RTL4: variants seen among roughly 807,000 people sequenced by gnomAD.
RTL4 encodes retrotransposon Gag-like protein 4.
A neutral mutation model predicts 5.3 loss-of-function variants in RTL4; 4 were observed. The ratio of observed to expected loss-of-function variants is 0.75; its 90% confidence interval spans 0.37 to 1.72. The LOEUF (loss-of-function observed/expected upper bound fraction) is 1.72, where lower values mean the gene tolerates loss of function less well. Among genes scored for constraint, RTL4 ranks in the 40% most tolerant of loss-of-function variants. RTL4 has a pLI of 0.04. For synonymous variants in RTL4, 98 were observed against 87.3 expected (o/e 1.12, Z -0.68); for missense variants, 260 against 227.1 (o/e 1.14, Z -0.93).
the RTL4 span, among the ~76,000 whole-genome samples, chrX:112,326,380 G>C: frequency 9.0e-6 from 1 of 111,723 alleles, no homozygotes; most frequent in African/African-American, 3.3e-5. Context: ...GCTAGTCAAA[G>C]AAAGCAGTGA....
At chrX:112,236,434 G>T in the RTL4 span, among the ~76,000 whole-genome samples, 99 of 73,192 alleles carry the variant, frequency 1.4e-3, no homozygotes, top group African/African-American at 6.3e-3. Flanking sequence ...TATAGATATA[G>T]ATCTATATCT....
chrX:112,418,600 C>T, the RTL4 span, among the ~76,000 whole-genome samples: 1 of 110,733 alleles, frequency 9.0e-6, no homozygotes, highest in Admixed American at 9.7e-5. Context: ...AGCCTAATAA[C>T]ACTGAGATTG....
chrX:112,260,227 C>T, the RTL4 span, among the ~76,000 whole-genome samples: 2 of 111,275 alleles, frequency 1.8e-5, no homozygotes, highest in Admixed American at 9.6e-5. Flanking sequence ...ACAGGGGCCC[C>T]TGAAGGAAAT....
the RTL4 span, among the ~76,000 whole-genome samples, chrX:112,227,418 A>C: frequency 9.0e-6 from 1 of 111,479 alleles, no homozygotes; most frequent in Admixed American, 9.6e-5. Context: ...TGTCAGAGAA[A>C]CAGCCAATTC....
chrX:112,161,844 C>CCTTCCTTCCTTCCTTTCTTTCTTTCTTT, the RTL4 span, among the ~76,000 whole-genome samples: 7 of 40,067 alleles, frequency 1.7e-4, no homozygotes, highest in African/African-American at 8.2e-4. Flanking sequence ...TTCCTTCCTT[C>CCTTCCTTCCTTCCTTTCTTTCTTTCTTT]CTTTCTTTCT....
the RTL4 span, among the ~76,000 whole-genome samples, chrX:112,367,558 G>A: frequency 4.5e-5 from 5 of 111,907 alleles, no homozygotes; most frequent in African/African-American, 1.6e-4. Context: ...TTTATAAGGA[G>A]GCAGCATGTG....
At chrX:112,321,574 GAAGA>G in the RTL4 span, among the ~76,000 whole-genome samples, 3 of 103,220 alleles carry the variant, frequency 2.9e-5, no homozygotes, top group African/African-American at 1.2e-4. Context: ...AAGAAAGAAA[GAAGA>G]AAGACAGACA....
the RTL4 span, among the ~76,000 whole-genome samples, chrX:112,379,345 A>G: frequency 0.34 from 37,653 of 111,415 alleles, 6,494 homozygotes; most frequent in African/African-American, 0.68. Flanking sequence ...GAAAACAAAG[A>G]ATTGAAGTAG....
At chrX:112,228,203 TA>T in the RTL4 span, among the ~76,000 whole-genome samples, 126 of 103,807 alleles carry the variant, frequency 1.2e-3, no homozygotes, top group African/African-American at 2.3e-3. Context: ...ATTTCAATAA[TA>T]AAAAAAAAAA....
chrX:112,192,075 GTTT>G, the RTL4 span, among the ~76,000 whole-genome samples: 1,079 of 78,909 alleles, frequency 0.014, 9 homozygotes, highest in African/African-American at 0.047. Context: ...AAATACTAGG[GTTT>G]TTTTTTTTTT....
At chrX:112,208,752 G>A in the RTL4 span, among the ~76,000 whole-genome samples, 1 of 112,145 alleles carries the variant, frequency 8.9e-6, no homozygotes, top group South Asian at 3.7e-4. Context: ...TCAGGTCAGG[G>A]ACTGACCTCA....
the RTL4 span, among the ~76,000 whole-genome samples, chrX:112,138,691 G>C: frequency 5.4e-5 from 6 of 110,966 alleles, no homozygotes; most frequent in Non-Finnish European, 1.1e-4. Flanking sequence ...ATAAATTTTA[G>C]AATCAGTTTG....
chrX:112,125,485 T>C, the RTL4 span, among the ~76,000 whole-genome samples: 1 of 111,787 alleles, frequency 8.9e-6, no homozygotes, highest in Non-Finnish European at 1.9e-5. Flanking sequence ...ACATGCCCCT[T>C]GGATTATCTG....
the RTL4 span, among the ~76,000 whole-genome samples, chrX:112,159,558 G>T: frequency 8.9e-6 from 1 of 112,137 alleles, no homozygotes; most frequent in African/African-American, 3.2e-5. Flanking sequence ...AGTAAACCCA[G>T]AAGCTCAGTT....
At chrX:112,263,846 A>G in the RTL4 span, among the ~76,000 whole-genome samples, 1 of 111,871 alleles carries the variant, frequency 8.9e-6, no homozygotes, top group Non-Finnish European at 1.9e-5. Context: ...TCAGTACATA[A>G]TGTATATGTA....
At chrX:112,131,405 C>T in the RTL4 span, among the ~76,000 whole-genome samples, 2 of 111,152 alleles carry the variant, frequency 1.8e-5, no homozygotes, top group East Asian at 2.8e-4. Context: ...CTTCAAATCT[C>T]CATGGCACCC....
At chrX:112,244,259 TTC>T in the RTL4 span, among the ~76,000 whole-genome samples, 1 of 111,760 alleles carries the variant, frequency 8.9e-6, no homozygotes, top group Non-Finnish European at 1.9e-5. Context: ...CTTGTTAATG[TTC>T]TGTCTTGTTG....
the RTL4 span, among the ~76,000 whole-genome samples, chrX:112,442,231 T>C: frequency 1.8e-5 from 2 of 108,356 alleles, no homozygotes; most frequent in African/African-American, 6.9e-5. Flanking sequence ...CTCATTGCTG[T>C]ACATTTACAT....
At chrX:112,303,008 T>C in the RTL4 span, among the ~76,000 whole-genome samples, 1 of 111,928 alleles carries the variant, frequency 8.9e-6, no homozygotes, top group Non-Finnish European at 1.9e-5. Flanking sequence ...GCATCTTGGC[T>C]CCCGATGCCT....
Sources: gnomAD v4.1 joint callset for allele counts (sites outside exome capture counted in the v4.1 genomes callset) on GRCh38, gnomAD v4.1.1 for gene constraint, MANE v1.5 for transcripts, NCBI Gene and HGNC (gene_info 2026-07-23, HGNC 2026-07-21) for gene names.